ASIC2: variants seen among roughly 807,000 people sequenced by gnomAD.
The protein encoded by ASIC2 is acid-sensing ion channel 2.
A neutral mutation model predicts 57.3 loss-of-function variants in ASIC2; 25 were observed. That is an observed-to-expected ratio of 0.44 (90% CI 0.32 to 0.61). The LOEUF (loss-of-function observed/expected upper bound fraction) is 0.61, where lower values mean the gene tolerates loss of function less well. Ranked by LOEUF, ASIC2 falls within the 20% of genes least tolerant of loss-of-function variation. The pLI is 0.06. For synonymous variants in ASIC2, 319 were observed against 307.5 expected, an observed-to-expected ratio of 1.04 and a Z score of -0.39; for missense variants, 641 against 738.1, an observed-to-expected ratio of 0.87 and a Z score of 1.52.
At chr17:33,083,372 T>C (rs2092121058) in intron 3 of ASIC2, among the ~76,000 whole-genome samples, 1 of 152,128 alleles carries the variant, frequency 6.6e-6, no homozygotes, top group Non-Finnish European at 1.5e-5. Flanking sequence ...CCCTTGGAAG[T>C]GTGACAAAAA....
intron 1 of ASIC2, among the ~76,000 whole-genome samples, chr17:34,076,576 G>A (rs1399385174): frequency 1.3e-5 from 2 of 152,154 alleles, no homozygotes; most frequent in African/African-American, 4.8e-5. Flanking sequence ...GAATGTAATA[G>A]GCCTTCCATA....
At chr17:33,245,493 C>T (rs1282679636) in intron 1 of ASIC2, among the ~76,000 whole-genome samples, 1 of 152,112 alleles carries the variant, frequency 6.6e-6, no homozygotes, top group African/African-American at 2.4e-5. Flanking sequence ...AAGTCCATGG[C>T]CTGTTGGAAT....
intron 1 of ASIC2, among the ~76,000 whole-genome samples, chr17:33,694,066 T>G (rs1409098753): frequency 1.3e-5 from 2 of 152,126 alleles, no homozygotes; most frequent in Non-Finnish European, 2.9e-5. Flanking sequence ...CAGGTGGAGG[T>G]GGAGTAGCTC....
chr17:33,720,957 A>G (rs1464470022), intron 1 of ASIC2, among the ~76,000 whole-genome samples: 1 of 152,322 alleles, frequency 6.6e-6, no homozygotes, highest in African/African-American at 2.4e-5. Context: ...AGTTGACCCA[A>G]CTGTGAAATG....
intron 1 of ASIC2, among the ~76,000 whole-genome samples, chr17:33,769,414 A>C (rs193159331): frequency 6.6e-6 from 1 of 152,318 alleles, no homozygotes; most frequent in African/African-American, 2.4e-5. Context: ...GCCTGAGCAC[A>C]GCAGGCCAAG....
At chr17:33,141,396 C>T (rs1178900457) in intron 1 of ASIC2, among the ~76,000 whole-genome samples, 2 of 152,166 alleles carry the variant, frequency 1.3e-5, no homozygotes, top group East Asian at 3.9e-4. Flanking sequence ...TTATATTCTG[C>T]TCAGGGGGAA....
chr17:34,088,880 C>T (rs896528387), intron 1 of ASIC2, among the ~76,000 whole-genome samples: 1 of 152,206 alleles, frequency 6.6e-6, no homozygotes, highest in Admixed American at 6.5e-5. Flanking sequence ...GTTTTTTAAG[C>T]CCGTCGGAAA....
chr17:33,762,527 A>G (rs1161075364), intron 1 of ASIC2, among the ~76,000 whole-genome samples: 1 of 152,166 alleles, frequency 6.6e-6, no homozygotes, highest in East Asian at 1.9e-4. Context: ...TGGCTGCTCC[A>G]TGAAGTGGTG....
chr17:33,826,416 TCCAA>T (rs1207086622), intron 1 of ASIC2, among the ~76,000 whole-genome samples: 1 of 152,176 alleles, frequency 6.6e-6, no homozygotes, highest in Non-Finnish European at 1.5e-5. Flanking sequence ...CTATAGCAAC[TCCAA>T]CCATCTGTCC....
chr17:33,795,004 T>C (rs1184349595), intron 1 of ASIC2, among the ~76,000 whole-genome samples: 1 of 152,172 alleles, frequency 6.6e-6, no homozygotes, highest in Non-Finnish European at 1.5e-5. Flanking sequence ...ATAAATACAA[T>C]GGAATTCAAT....
intron 3 of ASIC2, among the ~76,000 whole-genome samples, chr17:33,081,281 G>C (rs1258084611): frequency 6.6e-6 from 1 of 152,202 alleles, no homozygotes; most frequent in Admixed American, 6.5e-5. Flanking sequence ...AAAATCGTCT[G>C]GGGATCTGAA....
intron 1 of ASIC2, among the ~76,000 whole-genome samples, chr17:33,892,871 G>A (rs985002956): frequency 1.3e-5 from 2 of 152,124 alleles, no homozygotes; most frequent in African/African-American, 2.4e-5. Context: ...TAGCAGCAGC[G>A]AACCAAGGGA....
intron 1 of ASIC2, among the ~76,000 whole-genome samples, chr17:34,015,788 A>C (rs1227876890): frequency 6.6e-6 from 1 of 152,250 alleles, no homozygotes; most frequent in Non-Finnish European, 1.5e-5. Context: ...TAAGACGTTT[A>C]GGTTAAACAA....
At chr17:34,039,891 C>T in intron 1 of ASIC2, 1 of 1,573,114 alleles carries the variant, frequency 6.4e-7, no homozygotes, top group Non-Finnish European at 8.7e-7. Context: ...CCGCCGCCGC[C>T]GCTGCCGCTC....
intron 1 of ASIC2, among the ~76,000 whole-genome samples, chr17:33,693,704 GCAGC>G (rs1334656792): frequency 1.8e-4 from 28 of 152,300 alleles, no homozygotes; most frequent in African/African-American, 6.5e-4. Flanking sequence ...TCTCCCTATT[GCAGC>G]TCACTTAGAA....
chr17:33,598,917 C>A (rs934257282), intron 1 of ASIC2, among the ~76,000 whole-genome samples: 22 of 152,164 alleles, frequency 1.4e-4, no homozygotes, highest in African/African-American at 5.3e-4. Context: ...CTGAGACTGC[C>A]TATAGGGTAT....
rs117039182 is a variant in ASIC2, at chr17:34,125,312, C to T, written c.555+30666G>A. 9.7e-3 allele frequency among the ~76,000 whole-genome samples: 1,482 copies of T among 152,104 alleles called. 13 individuals carry two copies. Among genetic ancestry groups the T allele is most frequent in the Non-Finnish European group, 0.015 (1,034 of 68,002 alleles). On this transcript the variant is annotated intron_variant, in intron 1 of 9. Coordinates refer to the ASIC2 transcript ENST00000359872. ...CTGGCACACAATGTGTATACGTGTG[C>T]GCATGTGTGTGTGGTTTATATTGTT...
intron 1 of ASIC2, chr17:33,634,655 A>G (rs1906291148): frequency 6.7e-6 from 1 of 150,256 alleles, no homozygotes; most frequent in African/African-American, 2.4e-5. Context: ...AGCTGGGACT[A>G]CAGGCGCCCA....
chr17:34,005,606 C>T (rs917815048), intron 1 of ASIC2: 2 of 152,228 alleles, frequency 1.3e-5, no homozygotes, highest in African/African-American at 4.8e-5. Flanking sequence ...TTATTCTCCA[C>T]ACCTCTGGGC....
Sources: gnomAD v4.1 joint callset for allele counts (sites outside exome capture counted in the v4.1 genomes callset) on GRCh38, gnomAD v4.1.1 for gene constraint, MANE v1.5 for transcripts, NCBI Gene and HGNC (gene_info 2026-07-23, HGNC 2026-07-21) for gene names.